Variants in RUSF1 observed in about 807,000 individuals in gnomAD.
RUSF1 encodes RUS family member 1, also known as RUS1 family protein C16orf58.
RUSF1 carries 58 observed loss-of-function variants against 63.0 expected under a neutral mutation model. That is an observed-to-expected ratio of 0.92 (90% confidence interval 0.75 to 1.15). RUSF1 has a LOEUF of 1.15. Ranked by LOEUF, RUSF1 falls within the 50% of genes most tolerant of loss-of-function variation. The pLI, the probability that RUSF1 is intolerant of heterozygous loss-of-function variation, is 0.00. For missense variants in RUSF1, 652 were observed against 611.0 expected, an observed-to-expected ratio of 1.07 and a Z score of -0.71; for synonymous variants, 274 against 255.8, an observed-to-expected ratio of 1.07 and a Z score of -0.68.
In RUSF1 at chr16:31,508,214, C is replaced by T. The variant is rs1184710130; in HGVS notation, c.160G>A (p.Gly54Arg). 1.9e-6 allele frequency: 3 copies of T among 1,564,800 alleles called. No homozygotes were observed. The highest frequency in any genetic ancestry group is 2.6e-6 in the Non-Finnish European group (3 of 1,154,940). ...LSRAFTVKPE[G>R]RDAGEVGASG... ...GCCCCCACTTCGCCCGCATCTCGTCCTTCAGGTTTGACCGTGAAGGCCCTG... is the reference window on the plus strand; with the variant it reads ...GCCCCCACTTCGCCCGCATCTCGTCTTTCAGGTTTGACCGTGAAGGCCCTG... The change falls in exon 1 of 13, where the codon GGA (glycine) becomes AGA (arginine). Residue 54 changes from glycine (G) to arginine (R), a missense_variant. Physicochemically the swap from Gly to Arg is moderately radical, Grantham distance 125. Coordinates refer to ENST00000327237, the MANE Select transcript of RUSF1 (RefSeq NM_022744.4).
chr16:31,508,358 C>G lies in RUSF1; in HGVS notation c.16G>C (p.Gly6Arg). MADDAGLETPLCSEQF... is the reference protein window; with the variant it reads MADDARLETPLCSEQF... ...TCGGAACACAGCGGGGTCTCCAAAC[C>G]CGCGTCGTCAGCCATGCCGAGCTTT... is the stretch of plus-strand genomic sequence containing the variant. Residue 6 changes from glycine to arginine, a missense_variant, in exon 1 of 13, where the codon GGT becomes CGT. Transcript: ENST00000327237. 6.6e-7 allele frequency: 1 copy of G among 1,524,466 alleles called. No homozygotes were observed. The highest frequency in any genetic ancestry group is 8.7e-7 in the Non-Finnish European group (1 of 1,148,834). 94.4% of individuals were successfully genotyped at this position (1,524,466 alleles called of 1,614,324 possible).
intron 9 of RUSF1, 67 bp from the exon 10 acceptor site, chr16:31,493,115 T>C (rs1405710517): frequency 6.7e-7 from 1 of 1,487,754 alleles, no homozygotes; most frequent in East Asian, 2.3e-5. Context: ...AACCAGCCAC[T>C]GAACAGCCAC....
At chr16:31,497,330 C>A (rs1312875358) in intron 5 of RUSF1, among the ~76,000 whole-genome samples, 1 of 152,030 alleles carries the variant, frequency 6.6e-6, no homozygotes, top group Non-Finnish European at 1.5e-5. Context: ...TTCCTCTACT[C>A]TCCTCCTGCC....
rs2082667784 is a variant in RUSF1 at position 31,507,758 on chromosome 16, G to C, written c.415+6C>G. On this transcript the variant is annotated splice_donor_region_variant and intron_variant, in intron 2 of 12. Transcript: ENST00000327237. ...CAATACGTGAGGCTCCAGGGGTGCA[G>C]CTCACCTTTCACGAGCCAGGTGGCC... The C allele has an allele frequency of 1.3e-6, 2 of 1,558,302 alleles. No individual in the cohort carries two copies. The highest frequency in any genetic ancestry group is 2.7e-5 in the African/African-American group (2 of 73,386).
chr16:31,508,276 T>A lies in RUSF1; in HGVS notation c.98A>T (p.Gln33Leu). 1 of 1,572,096 alleles carries A rather than the reference T, an allele frequency of 6.4e-7. No homozygotes were observed. The highest frequency in any genetic ancestry group is 1.3e-5 in the African/African-American group (1 of 74,110). The change falls in exon 1 of 13, where the codon CAG becomes CTG. Residue 33 changes from glutamine to leucine, a missense_variant. Coordinates refer to ENST00000327237, the MANE Select transcript of RUSF1 (RefSeq NM_022744.4). ...CCAGCGCCAGCCCCCGACCTCCCAC[T>A]GCAGGCTCCCGTCCGCGGCGGCGCG... ...GCRAAADGSL[Q>L]WEVGGWRWWG...
Position 31,489,875 on chromosome 16 carries a change from G to A in RUSF1, c.*960C>T. 2 of 571,140 alleles carry A rather than the reference G, an allele frequency of 3.5e-6. No homozygotes were observed. The highest frequency in any genetic ancestry group is 6.6e-5 in the East Asian group (2 of 30,320). 35.4% of individuals were successfully genotyped at this position (571,140 alleles called of 1,614,324 possible). ...TAGACAGACCTGAGCTGACAAAGCT[G>A]GGGGAGCAAGGCCAACGGCTTTAAA... On this transcript the variant is annotated 3_prime_UTR_variant, in exon 13 of 13. Coordinates refer to ENST00000327237, the MANE Select transcript of RUSF1 (RefSeq NM_022744.4).
Position 31,490,286 on chromosome 16 carries a change from T to A in RUSF1, c.*549A>T. 1.9e-6 allele frequency: 3 copies of A among 1,613,602 alleles called. No homozygotes were observed. Among genetic ancestry groups the A allele is most frequent in the Non-Finnish European group, 2.5e-6 (3 of 1,179,806 alleles). On this transcript the variant is annotated 3_prime_UTR_variant, in exon 13 of 13. Coordinates refer to ENST00000327237, the MANE Select transcript of RUSF1 (RefSeq NM_022744.4). The stretch of plus-strand genomic sequence containing the variant: ...AGGAGCTGAGTTCCCGCAAACTAAC[T>A]GCAGGGCCTCAATTTCCCTCAGAGC...
At chr16:31,501,949 C>T (rs936833856) in intron 2 of RUSF1, among the ~76,000 whole-genome samples, 4 of 152,184 alleles carry the variant, frequency 2.6e-5, no homozygotes, top group African/African-American at 7.2e-5. Context: ...TTTTGCAAGA[C>T]AATGACAGAA....
intron 12 of RUSF1, among the ~76,000 whole-genome samples, chr16:31,491,336 T>C (rs577169367): frequency 6.6e-6 from 1 of 152,192 alleles, no homozygotes; most frequent in Non-Finnish European, 1.5e-5. Context: ...TCTTTTTTTT[T>C]TTTTTGAGAT....
chr16:31,505,622 C>A (rs779783679), intron 2 of RUSF1, among the ~76,000 whole-genome samples: 1 of 152,054 alleles, frequency 6.6e-6, no homozygotes, highest in Non-Finnish European at 1.5e-5. Flanking sequence ...ATAGACAGCA[C>A]GGTGAGGATG....
chr16:31,500,781 GTGGGGCC>G (rs1567398263), intron 2 of RUSF1, 50 bp from the exon 3 acceptor site: 2 of 1,578,902 alleles, frequency 1.3e-6, no homozygotes, highest in Admixed American at 3.5e-5. Context: ...TGTGGGAGCT[GTGGGGCC>G]TGGCAGACCC....
intron 5 of RUSF1, among the ~76,000 whole-genome samples, chr16:31,497,352 T>G (rs758134888): frequency 2.6e-5 from 4 of 152,074 alleles, no homozygotes; most frequent in Non-Finnish European, 5.9e-5. Flanking sequence ...CAGTTAAAGC[T>G]GTCGAAACCT....
At position 31,508,183 on chromosome 16, in the gene RUSF1, C is replaced by A. The variant is rs980849820; in HGVS notation, c.191G>T (p.Gly64Val). 1.9e-6 allele frequency: 3 copies of A among 1,570,290 alleles called. No individual in the cohort carries two copies. Among genetic ancestry groups the A allele is most frequent in the African/African-American group, 2.7e-5 (2 of 73,562 alleles). ...CCCGGAGAGGGGCGGTGAGGGGGCC[C>A]CGGAAGCCCCCACTTCGCCCGCATC... ...GRDAGEVGAS[G>V]APSPPLSGLQ... The change falls in exon 1 of 13, where the codon GGG becomes GTG. Residue 64 changes from glycine to valine, a missense_variant. Coordinates refer to ENST00000327237, the MANE Select transcript of RUSF1 (RefSeq NM_022744.4).
intron 2 of RUSF1, among the ~76,000 whole-genome samples, chr16:31,503,359 T>A (rs1001213292): frequency 1.3e-5 from 2 of 152,218 alleles, no homozygotes; most frequent in African/African-American, 4.8e-5. Context: ...TTTTTCCATC[T>A]AAAAAATGAA....
rs758198355 is a variant in RUSF1, at chr16:31,492,249, T to A, written c.1179A>T (p.Gly393=). 6.2e-7 allele frequency: 1 copy of A among 1,613,174 alleles called. No individual in the cohort carries two copies. Among genetic ancestry groups the A allele is most frequent in the South Asian group, 1.1e-5 (1 of 90,938 alleles). ...CCAGCTCTGCTGGAAGGGGTCCATC[T>A]CCCTGCAGGGCCCCAAGCATCAGCC... ...THGLMLGALQ[G]DGPLPAELEE... is the part of the protein sequence containing the mutation. The change falls in exon 11 of 13, where the codon GGA becomes GGT. Residue 393 remains glycine, a synonymous_variant. Coordinates refer to ENST00000327237, the MANE Select transcript of RUSF1 (RefSeq NM_022744.4).
intron 10 of RUSF1, 94 bp from the exon 11 acceptor site, chr16:31,492,434 C>T (rs2082576653): frequency 7.2e-7 from 1 of 1,391,236 alleles, no homozygotes; most frequent in African/African-American, 1.4e-5. Context: ...TGCCCCAAGA[C>T]CTTGGCCTGG....
Position 31,489,552 on chromosome 16 carries a change from T to C in RUSF1, c.*1283A>G, listed in dbSNP as rs899319864. The C allele has an allele frequency of 1.6e-6, 1 of 612,936 alleles. No individual in the cohort carries two copies. 38.0% of individuals were successfully genotyped at this position (612,936 alleles called of 1,614,324 possible). ...AGGCTTGATGTTGATGGGTTGGTGATTAAAGCCTCCCAAAGCCAATCCTTG... is the reference window on the plus strand; with the variant it reads ...AGGCTTGATGTTGATGGGTTGGTGACTAAAGCCTCCCAAAGCCAATCCTTG... On this transcript the variant is annotated 3_prime_UTR_variant, in exon 13 of 13. Coordinates refer to ENST00000327237, the MANE Select transcript of RUSF1 (RefSeq NM_022744.4).
intron 3 of RUSF1, 140 bp downstream of exon 3, chr16:31,500,546 C>A: frequency 9.2e-7 from 1 of 1,087,200 alleles, no homozygotes; most frequent in South Asian, 1.8e-5. Flanking sequence ...CCATTATGTA[C>A]GATGCCACGG....
intron 10 of RUSF1, 36 bp from the exon 11 acceptor site, chr16:31,492,376 G>C: frequency 2.6e-6 from 4 of 1,512,392 alleles, no homozygotes; most frequent in Non-Finnish European, 3.5e-6. Flanking sequence ...TATCAGGGAA[G>C]GGCCACCTCC....
Sources: allele counts gnomAD v4.1 joint callset (sites outside exome capture counted in the v4.1 genomes callset), GRCh38; gene constraint gnomAD v4.1.1; transcripts MANE v1.5; gene names NCBI Gene and HGNC (gene_info 2026-07-23, HGNC 2026-07-21).